Variants in ABCA12 observed in about 807,000 individuals in gnomAD.
ABCA12 encodes the protein glucosylceramide transporter ABCA12.
A neutral mutation model predicts 293.5 loss-of-function variants in ABCA12; 156 were observed. The ratio of observed to expected loss-of-function variants is 0.53; its 90% CI spans 0.47 to 0.61. The LOEUF is 0.61. Among genes scored for constraint, ABCA12 ranks in the 20% least tolerant of loss-of-function variants. ABCA12 has a pLI of 0.00. For missense variants in ABCA12, 2,797 were observed against 3,090.2 expected (o/e 0.91, Z 2.25); for synonymous variants, 1,063 against 1,108.0 (o/e 0.96, Z 0.81).
chr2:215,129,504 G>A (rs1575062686), intron 1 of ABCA12, among the ~76,000 whole-genome samples: 2 of 152,128 alleles, frequency 1.3e-5, no homozygotes, highest in East Asian at 3.8e-4. Flanking sequence ...TTTTTCATGT[G>A]TTGGTTGACC....
At position 215,105,260 on chromosome 2, in the gene ABCA12, T is replaced by C. The variant is rs59459904; in HGVS notation, c.163+6337A>G. Among the ~76,000 whole-genome samples the C allele has an allele frequency of 2.3e-3, 349 of 152,170 alleles. 1 individual carries two copies. The highest frequency in any genetic ancestry group is 7.8e-3 in the African/African-American group (322 of 41,512). On this transcript the variant is annotated intron_variant, in intron 2 of 52. Transcript: ENST00000272895. ...CAAGAGAGATATAAAGGAAAATTGA[T>C]TGGGGTTTGAGTGATCAGACAAGGC...
chr2:215,097,748 T>C (rs1702276132), intron 2 of ABCA12, among the ~76,000 whole-genome samples: 1 of 151,666 alleles, frequency 6.6e-6, no homozygotes, highest in South Asian at 2.1e-4. Flanking sequence ...ACATTAATAC[T>C]ATCTAATATT....
chr2:215,111,844 T>C (rs993589661), intron 1 of ABCA12, among the ~76,000 whole-genome samples, 154 bp from the exon 2 acceptor site: 6 of 152,146 alleles, frequency 3.9e-5, no homozygotes, highest in Admixed American at 2.0e-4. Flanking sequence ...GAATGAGAGA[T>C]TTTTTTAATA....
chr2:215,118,838 C>G (rs1321987153), intron 1 of ABCA12, among the ~76,000 whole-genome samples: 1 of 152,022 alleles, frequency 6.6e-6, no homozygotes, highest in Non-Finnish European at 1.5e-5. Context: ...ATGTCTTTTG[C>G]CCGTTTTTTA....
rs748990418 is a variant in ABCA12 at position 214,983,684 on chromosome 2, G to A, written c.4345C>T (p.His1449Tyr). The A allele has an allele frequency of 6.2e-7, 1 of 1,614,082 alleles. No homozygotes were observed. Among genetic ancestry groups the A allele is most frequent in the Non-Finnish European group, 8.5e-7 (1 of 1,180,008 alleles). Residue 1449 changes from histidine (H) to tyrosine (Y), a missense_variant, in exon 29 of 53, where the codon CAC (histidine) becomes TAC (tyrosine). By Grantham distance (83) the His-to-Tyr change is moderately conservative. Coordinates refer to ENST00000272895, the MANE Select transcript of ABCA12 (RefSeq NM_173076.3). ...TCGTGGAGCTGCTTTTTAGTCCAGT[G>A]AGGAACTTTGATGGAACCATATAGG... ...LLLYGSIKVP[H>Y]WTKKQLHEEV...
intron 3 of ABCA12, among the ~76,000 whole-genome samples, chr2:215,062,144 C>T (rs1333287599): frequency 3.3e-5 from 5 of 151,988 alleles, no homozygotes; most frequent in African/African-American, 1.2e-4. Context: ...TTCAGCTTCC[C>T]TCTGGCAGTC....
rs1157844363 is a variant in ABCA12 at position 215,026,847 on chromosome 2, T to C, written c.1153A>G (p.Thr385Ala). The C allele has an allele frequency of 6.2e-7, 1 of 1,612,492 alleles. No individual in the cohort carries two copies. The highest frequency in any genetic ancestry group is 2.2e-5 in the East Asian group (1 of 44,872). The change falls in exon 10 of 53, where the codon ACT becomes GCT. Residue 385 changes from threonine (T) to alanine (A), a missense_variant. Around this residue, in one of 3 missense-constraint regions of ABCA12, gnomAD observed 656 missense variants for 638.2 expected, o/e 1.03. Transcript: ENST00000272895. Reference sequence around the variant, plus strand: ...GGTGAACCTCTGGCCAAACTGTCAGTCACATTTCTCACACATGCCAAGTAA... The same window carrying C: ...GGTGAACCTCTGGCCAAACTGTCAGCCACATTTCTCACACATGCCAAGTAA... ...IPYLACVRNV[T>A]DSLARGSPEN...
Position 214,955,261 on chromosome 2 carries a change from T to C in ABCA12, c.6334A>G (p.Asn2112Asp). Residue 2112 changes from asparagine (N) to aspartate (D), a missense_variant, in exon 43 of 53, where the codon AAT (asparagine) becomes GAT (aspartate). This residue lies in a region of ABCA12 where 2,130 missense variants were observed against 2,427.0 expected (regional missense o/e 0.88). Transcript: ENST00000272895. ...ACCACTGACAGGGAAACAATGGAAT[T>C]AATGCCAAAAAACAAGTTGACACAG... ...YVCVNLFFGI[N>D]SIVSLSVVYF... 6.2e-7 allele frequency: 1 copy of C among 1,614,130 alleles called. No homozygotes were observed. The highest frequency in any genetic ancestry group is 1.6e-4 in the Middle Eastern group (1 of 6,062).
intron 8 of ABCA12, among the ~76,000 whole-genome samples, chr2:215,035,151 G>A (rs1448216380): frequency 6.6e-6 from 1 of 152,068 alleles, no homozygotes; most frequent in African/African-American, 2.4e-5. Context: ...TACTTAGGAG[G>A]GTTTTCAAAG....
chr2:214,974,112 T>A, intron 35 of ABCA12, 70 bp from the exon 36 acceptor site: 1 of 1,352,206 alleles, frequency 7.4e-7, no homozygotes, highest in Non-Finnish European at 1.1e-6. Flanking sequence ...TATGAGCATG[T>A]AAACAAGTAT....
chr2:215,097,242 T>C (rs1232067979), intron 2 of ABCA12, among the ~76,000 whole-genome samples: 1 of 152,130 alleles, frequency 6.6e-6, no homozygotes, highest in African/African-American at 2.4e-5. Flanking sequence ...AATCCAAGTA[T>C]CCTATTAGTT....
Position 215,046,696 on chromosome 2 carries a change from ATT to A in ABCA12, c.694-683_694-682del, listed in dbSNP as rs554922033. 8.7e-3 allele frequency among the ~76,000 whole-genome samples: 1,318 copies of A among 151,910 alleles called. 12 individuals carry two copies. The highest frequency in any genetic ancestry group is 0.015 in the Non-Finnish European group (1,041 of 67,920). ...TTGGATTGGGGATTATTATAACTGT[ATT>A]TTTTTGTGTTCTCTCATTGTATGTG... On this transcript the variant is annotated intron_variant, in intron 6 of 52. Coordinates refer to ENST00000272895, the MANE Select transcript of ABCA12 (RefSeq NM_173076.3).
chr2:215,063,371 A>G (rs1323223537), intron 3 of ABCA12, among the ~76,000 whole-genome samples: 4 of 152,016 alleles, frequency 2.6e-5, no homozygotes, highest in South Asian at 2.1e-4. Flanking sequence ...GAATTAGCGC[A>G]TGGTTGATTC....
intron 15 of ABCA12, among the ~76,000 whole-genome samples, chr2:215,015,094 T>A (rs560719277): frequency 1.3e-5 from 2 of 152,268 alleles, no homozygotes; most frequent in South Asian, 4.2e-4. Flanking sequence ...AAAAAGCCTA[T>A]TTTTAATTAA....
At chr2:215,134,391 T>C (rs1473828561) in intron 1 of ABCA12, among the ~76,000 whole-genome samples, 1 of 146,468 alleles carries the variant, frequency 6.8e-6, no homozygotes, top group South Asian at 2.1e-4. Flanking sequence ...TGTACATATA[T>C]GTATATGTGT....
At chr2:215,054,405 G>T (rs776219246) in intron 4 of ABCA12, among the ~76,000 whole-genome samples, 168 bp downstream of exon 4, 1 of 152,022 alleles carries the variant, frequency 6.6e-6, no homozygotes, top group African/African-American at 2.4e-5. Flanking sequence ...ACACCTTTGC[G>T]TAATTGCACC....
chr2:215,036,812 G>A (rs191062892), intron 8 of ABCA12, 141 bp downstream of exon 8: 27 of 752,740 alleles, frequency 3.6e-5, no homozygotes, highest in South Asian at 1.8e-4. Flanking sequence ...TGATTAACTC[G>A]AGATCCAGAT....
At chr2:214,985,453 C>A (rs147268203) in intron 28 of ABCA12, among the ~76,000 whole-genome samples, 1 of 152,036 alleles carries the variant, frequency 6.6e-6, no homozygotes. Flanking sequence ...AAGTAATGGG[C>A]ACTAGGCTTA....
chr2:215,121,765 T>G (rs1388949487), intron 1 of ABCA12, among the ~76,000 whole-genome samples: 1 of 152,136 alleles, frequency 6.6e-6, no homozygotes, highest in Non-Finnish European at 1.5e-5. Flanking sequence ...CTCATGATAG[T>G]GAACAAGTCT....
Sources: allele counts gnomAD v4.1 joint callset (sites outside exome capture counted in the v4.1 genomes callset), GRCh38; gene constraint gnomAD v4.1.1; regional missense constraint gnomAD v4.1.1; transcripts MANE v1.5; gene names NCBI Gene and HGNC (gene_info 2026-07-23, HGNC 2026-07-21).